The following CTDSPL2 variants were observed in gnomAD, a reference collection of about 807,000 sequenced individuals.
CTDSPL2 encodes CTD small phosphatase like 2.
CTDSPL2 carries 5 observed loss-of-function variants against 60.0 expected under a neutral mutation model. The ratio of observed to expected loss-of-function variants is 0.08; its 90% CI spans 0.04 to 0.18. CTDSPL2 has a LOEUF of 0.18. Among genes scored for constraint, CTDSPL2 ranks in the 10% least tolerant of loss-of-function variants. CTDSPL2 has a pLI of 1.00. For synonymous variants in CTDSPL2, 186 were observed against 189.3 expected, an observed-to-expected ratio of 0.98 and a Z score of 0.14; for missense variants, 370 against 548.8, an observed-to-expected ratio of 0.67 and a Z score of 3.26.
chr15:44,490,741 G>T, intron 4 of CTDSPL2, 43 bp from the exon 5 acceptor site: 2 of 1,463,880 alleles, frequency 1.4e-6, no homozygotes, highest in East Asian at 2.3e-5. Flanking sequence ...TTCTAAATAG[G>T]TGCATTTTTA....
chr15:44,439,339 G>C (rs138858558), intron 1 of CTDSPL2, among the ~76,000 whole-genome samples: 1 of 151,702 alleles, frequency 6.6e-6, no homozygotes, highest in African/African-American at 2.4e-5. Flanking sequence ...AGTAGAGACG[G>C]GGTTTCACCA....
intron 2 of CTDSPL2, among the ~76,000 whole-genome samples, chr15:44,472,375 GC>G (rs2080828689): frequency 6.6e-6 from 1 of 152,120 alleles, no homozygotes; most frequent in Admixed American, 6.6e-5. Flanking sequence ...TTTTATTATA[GC>G]CATCCTAGTG....
Position 44,500,545 on chromosome 15 carries a change from A to G in CTDSPL2, c.969+732A>G, listed in dbSNP as rs568262973. Among the ~76,000 whole-genome samples the G allele has an allele frequency of 1.7e-3, 257 of 152,320 alleles. 1 individual carries two copies. Among genetic ancestry groups the G allele is most frequent in the African/African-American group, 6.0e-3 (249 of 41,580 alleles). On this transcript the variant is annotated intron_variant, in intron 8 of 12. Transcript: ENST00000260327. ...TAACTAGCATTATTTGCATTATATA[A>G]TAGTTGAAAGATTGGGAATCGAAAA...
intron 10 of CTDSPL2, among the ~76,000 whole-genome samples, chr15:44,515,913 C>G (rs559180568): frequency 7.9e-5 from 12 of 150,954 alleles, no homozygotes; most frequent in South Asian, 2.1e-4. Flanking sequence ...TTGGTTGGTT[C>G]GTTCGTTCTT....
At chr15:44,436,129 C>CT (rs1320749783) in intron 1 of CTDSPL2, among the ~76,000 whole-genome samples, 2 of 152,160 alleles carry the variant, frequency 1.3e-5, no homozygotes, top group African/African-American at 4.8e-5. Flanking sequence ...TGGAAACATG[C>CT]TGCTACTTTT....
chr15:44,495,688 C>T (rs532981611), intron 5 of CTDSPL2, among the ~76,000 whole-genome samples: 1 of 152,102 alleles, frequency 6.6e-6, no homozygotes, highest in South Asian at 2.1e-4. Flanking sequence ...AATCCCAACA[C>T]TTTGGGAGGT....
At chr15:44,438,427 C>T (rs947967939) in intron 1 of CTDSPL2, among the ~76,000 whole-genome samples, 2 of 151,754 alleles carry the variant, frequency 1.3e-5, no homozygotes, top group Non-Finnish European at 1.5e-5. Flanking sequence ...TGCCCAGGAT[C>T]GATTTAAAGG....
chr15:44,459,813 T>C (rs895043540), intron 2 of CTDSPL2, among the ~76,000 whole-genome samples: 33 of 152,226 alleles, frequency 2.2e-4, no homozygotes, highest in Admixed American at 1.2e-3. Context: ...CTTGTTAATA[T>C]TCACTGTCTA....
intron 11 of CTDSPL2, 30 bp from the exon 12 acceptor site, chr15:44,521,281 G>C: frequency 9.4e-7 from 1 of 1,063,204 alleles, no homozygotes; most frequent in Non-Finnish European, 1.4e-6. Context: ...ATAAGTAAAA[G>C]AGGATTTAAT....
intron 3 of CTDSPL2, among the ~76,000 whole-genome samples, chr15:44,485,516 A>G (rs746854623): frequency 4.6e-5 from 7 of 152,196 alleles, no homozygotes; most frequent in South Asian, 4.1e-4. Context: ...GATCCCTTGC[A>G]TGTAAAGTTC....
At position 44,497,081 on chromosome 15, in the gene CTDSPL2, A is replaced by G. The variant is rs1567094107; in HGVS notation, c.825A>G (p.Lys275=). 2.5e-6 allele frequency: 4 copies of G among 1,612,034 alleles called. No individual in the cohort carries two copies. Among genetic ancestry groups the G allele is most frequent in the Non-Finnish European group, 3.4e-6 (4 of 1,178,602 alleles). ...TGACAGAAGAACAACTAAATAGGAA[A>G]CCTGCTCTTCCGTTGAAAACAAGAA... ...PPLTEEQLNR[K]PALPLKTRST... Residue 275 remains lysine (K), a synonymous_variant, in exon 7 of 13, where the codon AAA becomes AAG. Transcript: ENST00000260327.
At chr15:44,469,683 A>G (rs908995055) in intron 2 of CTDSPL2, among the ~76,000 whole-genome samples, 1 of 152,286 alleles carries the variant, frequency 6.6e-6, no homozygotes, top group Non-Finnish European at 1.5e-5. Flanking sequence ...TATATGTGAT[A>G]TTTCGGAGTT....
chr15:44,448,706 C>A, intron 1 of CTDSPL2: 1 of 333,504 alleles, frequency 3.0e-6, no homozygotes. Flanking sequence ...TTTCCCATTC[C>A]AGTGCCTTTA....
At chr15:44,483,640 C>G (rs1299710060) in intron 2 of CTDSPL2, among the ~76,000 whole-genome samples, 2 of 152,142 alleles carry the variant, frequency 1.3e-5, no homozygotes, top group Non-Finnish European at 2.9e-5. Context: ...ATTAGTACTG[C>G]AAGAATAGTA....
At chr15:44,495,370 C>T (rs1021278518) in intron 5 of CTDSPL2, among the ~76,000 whole-genome samples, 21 of 151,474 alleles carry the variant, frequency 1.4e-4, no homozygotes, top group South Asian at 8.4e-4. Context: ...ATCATGAGGT[C>T]AGGAGATCGA....
At chr15:44,467,115 A>G (rs969785753) in intron 2 of CTDSPL2, among the ~76,000 whole-genome samples, 2 of 152,228 alleles carry the variant, frequency 1.3e-5, no homozygotes, top group African/African-American at 4.8e-5. Context: ...GTTGACTGAA[A>G]CATTGTATGG....
intron 8 of CTDSPL2, 42 bp from the exon 9 acceptor site, chr15:44,514,556 T>C (rs2081618498): frequency 1.7e-6 from 2 of 1,160,926 alleles, no homozygotes; most frequent in African/African-American, 1.5e-5. Flanking sequence ...TGGTTTCCCA[T>C]TGTATGTTTA....
At chr15:44,470,184 G>A (rs912219489) in intron 2 of CTDSPL2, among the ~76,000 whole-genome samples, 2 of 151,476 alleles carry the variant, frequency 1.3e-5, no homozygotes, top group Non-Finnish European at 2.9e-5. Context: ...TATTAAGAGA[G>A]GGATGTTAAA....
At chr15:44,507,758 C>T (rs756363861) in intron 8 of CTDSPL2, among the ~76,000 whole-genome samples, 6 of 152,202 alleles carry the variant, frequency 3.9e-5, no homozygotes, top group Non-Finnish European at 7.3e-5. Flanking sequence ...ATTGAGGTTG[C>T]CCAGTTCTGC....
Sources: allele counts gnomAD v4.1 joint callset (sites outside exome capture counted in the v4.1 genomes callset), GRCh38; gene constraint gnomAD v4.1.1; transcripts MANE v1.5; gene names NCBI Gene and HGNC (gene_info 2026-07-23, HGNC 2026-07-21).